The following SLC38A4 variants were observed in gnomAD, a reference collection of about 807,000 sequenced individuals.
The protein encoded by SLC38A4 is solute carrier family 38 member 4, also known as sodium-coupled neutral amino acid transporter 4.
A neutral mutation model predicts 63.1 loss-of-function variants in SLC38A4; 20 were observed. The ratio of observed to expected loss-of-function variants is 0.32; its 90% confidence interval spans 0.22 to 0.46. SLC38A4 has a LOEUF of 0.46. SLC38A4 is among the 20% of genes least tolerant of loss of function. The pLI is 1.00. For synonymous variants in SLC38A4, 230 were observed against 225.5 expected (o/e 1.02, Z -0.18); for missense variants, 526 against 663.6 (o/e 0.79, Z 2.28).
In SLC38A4 at chr12:46,792,801, T is replaced by C. The variant is rs1390906174; in HGVS notation, c.119+152A>G. ...AAAGAGATTGACATTATCACTGTAT[T>C]TCAGGACCAGGGAATTGATGTGCTA... On this transcript the variant is annotated intron_variant, in intron 3 of 16. Transcript: ENST00000266579. The C allele has an allele frequency of 1.5e-5, 10 of 656,928 alleles. No individual in the cohort carries two copies. In the Admixed American group the frequency reaches 2.2e-4, roughly 15 times the overall value. 40.7% of individuals were successfully genotyped at this position (656,928 alleles called of 1,614,324 possible). A position where few individuals can be genotyped will look rare whatever the true frequency, so the allele number is the denominator to read the frequency against.
In SLC38A4 at chr12:46,779,977, C is replaced by T. The variant is rs1409502152; in HGVS notation, c.547G>A (p.Ala183Thr). 2 of 1,612,428 alleles carry T rather than the reference C, an allele frequency of 1.2e-6. No individual in the cohort carries two copies. The highest frequency in any genetic ancestry group is 1.7e-6 in the Non-Finnish European group (2 of 1,178,958). ...GTATTTTCTTCAAGTCCCATGAATG[C>T]TCTGATTACTTCAGGTAGTTCATAT... ...IKYELPEVIR[A>T]FMGLEENTGE... Residue 183 changes from alanine to threonine, a missense_variant, in exon 8 of 17, where the codon GCA becomes ACA. Physicochemically the swap from Ala to Thr is moderately conservative, Grantham distance 58. Transcript: ENST00000266579.
intron 15 of SLC38A4, 129 bp downstream of exon 15, chr12:46,769,155 T>A (rs2216433): frequency 1.3e-5 from 13 of 1,006,168 alleles, no homozygotes; most frequent in South Asian, 5.1e-5. Context: ...CCAGAGCCTC[T>A]CAGGGATAAA....
chr12:46,822,722 G>A (rs1939575275), intron 1 of SLC38A4, among the ~76,000 whole-genome samples: 1 of 152,144 alleles, frequency 6.6e-6, no homozygotes. Context: ...AGGGGACATG[G>A]GATCAGAAGT....
chr12:46,767,270 T>C (rs1938320849), intron 16 of SLC38A4, among the ~76,000 whole-genome samples: 1 of 151,822 alleles, frequency 6.6e-6, no homozygotes, highest in South Asian at 2.1e-4. Flanking sequence ...ACATATAATA[T>C]ACACACACAT....
intron 3 of SLC38A4, among the ~76,000 whole-genome samples, chr12:46,791,296 C>T (rs1938883737): frequency 6.6e-6 from 1 of 152,210 alleles, no homozygotes; most frequent in Non-Finnish European, 1.5e-5. Context: ...TCCATTGAAG[C>T]TCAAAGAGGA....
At chr12:46,775,939 G>C (rs546864124) in intron 13 of SLC38A4, among the ~76,000 whole-genome samples, 2 of 151,698 alleles carry the variant, frequency 1.3e-5, no homozygotes, top group Admixed American at 1.3e-4. Context: ...TATTGACCTC[G>C]TCATTCATTA....
At chr12:46,825,672 T>C (rs1323461416) in intron 1 of SLC38A4, among the ~76,000 whole-genome samples, 2 of 152,092 alleles carry the variant, frequency 1.3e-5, no homozygotes, top group Non-Finnish European at 2.9e-5. Context: ...ATTCCTCCCA[T>C]TTGGAAAAAT....
In SLC38A4 at chr12:46,777,213, A is replaced by G. The variant is rs1179198387; in HGVS notation, c.1074-209T>C. 2.6e-5 allele frequency among the ~76,000 whole-genome samples: 4 copies of G among 152,134 alleles called. No individual in the cohort carries two copies. The East Asian group carries it at 7.8e-4, about 30-fold the overall frequency. On this transcript the variant is annotated intron_variant, in intron 12 of 16. Coordinates refer to ENST00000266579, the MANE Select transcript of SLC38A4 (RefSeq NM_018018.5). ...CTTAAACACTAGTCCTTCAGTCTTA[A>G]AAACAATCATTTCCCTAGAAGAGGA...
chr12:46,791,342 A>G (rs1396212851), intron 3 of SLC38A4, among the ~76,000 whole-genome samples: 2 of 152,214 alleles, frequency 1.3e-5, no homozygotes, highest in Non-Finnish European at 2.9e-5. Flanking sequence ...ACTACTCTGC[A>G]GACTCCAAAG....
At chr12:46,815,298 C>CAA in intron 1 of SLC38A4, among the ~76,000 whole-genome samples, 1 of 146,594 alleles carries the variant, frequency 6.8e-6, no homozygotes, top group Non-Finnish European at 1.5e-5. Context: ...CACACACACA[C>CAA]ACACACACAC....
chr12:46,798,659 C>A (rs1480000907), intron 2 of SLC38A4, among the ~76,000 whole-genome samples: 2 of 152,138 alleles, frequency 1.3e-5, no homozygotes, highest in African/African-American at 4.8e-5. Context: ...ATTTCATTTG[C>A]ATTAAGCCAT....
chr12:46,810,926 T>C (rs892713352), intron 1 of SLC38A4, among the ~76,000 whole-genome samples: 4 of 152,046 alleles, frequency 2.6e-5, no homozygotes, highest in African/African-American at 9.7e-5. Flanking sequence ...CTATTTAGAA[T>C]CTAGATAAAA....
chr12:46,800,012 G>A (rs906075155), intron 2 of SLC38A4, among the ~76,000 whole-genome samples: 5 of 152,092 alleles, frequency 3.3e-5, no homozygotes, highest in African/African-American at 1.2e-4. Context: ...ATTATTGCAT[G>A]GGTAGGATAG....
At chr12:46,769,549 T>C (rs1938369052) in intron 14 of SLC38A4, 121 bp from the exon 15 acceptor site, 5 of 1,107,656 alleles carry the variant, frequency 4.5e-6, no homozygotes, top group Admixed American at 4.9e-5. Flanking sequence ...GAAAAGATGT[T>C]GATGCTTTTT....
intron 7 of SLC38A4, among the ~76,000 whole-genome samples, chr12:46,781,437 A>T (rs1171253720): frequency 6.6e-6 from 1 of 152,060 alleles, no homozygotes; most frequent in Non-Finnish European, 1.5e-5. Flanking sequence ...ACAGCTATTA[A>T]TTGCTGGTTT....
At chr12:46,815,826 T>C (rs1313267942) in intron 1 of SLC38A4, among the ~76,000 whole-genome samples, 1 of 151,920 alleles carries the variant, frequency 6.6e-6, no homozygotes. Flanking sequence ...ATTAATAATA[T>C]TAACAGGTCC....
At chr12:46,780,176 T>G (rs1180641953) in intron 7 of SLC38A4, 146 bp from the exon 8 acceptor site, 10 of 646,860 alleles carry the variant, frequency 1.5e-5, no homozygotes, top group Non-Finnish European at 2.7e-5. Context: ...TGCTTCCAAG[T>G]TCTCTTCCAA....
At chr12:46,801,000 A>G (rs960155689) in intron 2 of SLC38A4, among the ~76,000 whole-genome samples, 13 of 152,142 alleles carry the variant, frequency 8.5e-5, no homozygotes, top group African/African-American at 3.1e-4. Flanking sequence ...AGAATTTTCT[A>G]TAGTCTAGCC....
intron 7 of SLC38A4, among the ~76,000 whole-genome samples, chr12:46,783,290 T>G (rs970601844): frequency 1.1e-5 from 1 of 94,180 alleles, no homozygotes; most frequent in Admixed American, 1.2e-4. Context: ...TAGATAGATA[T>G]GGGCATTGCT....
Sources: gnomAD v4.1 joint callset for allele counts (sites outside exome capture counted in the v4.1 genomes callset) on GRCh38, gnomAD v4.1.1 for gene constraint, MANE v1.5 for transcripts, NCBI Gene and HGNC (gene_info 2026-07-23, HGNC 2026-07-21) for gene names.